Variants in TMEM43 observed in about 807,000 individuals in gnomAD.
TMEM43 encodes arrhythmogenic right ventricular dysplasia 5.
A neutral mutation model predicts 49.6 loss-of-function variants in TMEM43; 45 were observed. The ratio of observed to expected loss-of-function variants is 0.91; its 90% CI spans 0.71 to 1.16. The LOEUF (loss-of-function observed/expected upper bound fraction) is 1.16. Ranked by LOEUF, TMEM43 falls within the 50% of genes most tolerant of loss-of-function variation. The pLI is 0.00. For synonymous variants in TMEM43, 199 were observed against 207.8 expected (o/e 0.96, Z 0.36); for missense variants, 532 against 516.6 (o/e 1.03, Z -0.29).
chr3:14,135,360 A>G (rs1695154809), intron 9 of TMEM43, 128 bp downstream of exon 9: 1 of 792,880 alleles, frequency 1.3e-6, no homozygotes, highest in South Asian at 1.5e-5. Context: ...TCTCGCACAC[A>G]CTCTCAGCCA....
intron 2 of TMEM43, 67 bp from the exon 3 acceptor site, chr3:14,130,755 T>G (rs535741733): frequency 2.1e-4 from 328 of 1,582,146 alleles, no homozygotes; most frequent in Non-Finnish European, 2.5e-4. Flanking sequence ...CCTAATACTT[T>G]GCAACAAGCA....
intron 3 of TMEM43, 133 bp from the exon 4 acceptor site, chr3:14,131,447 C>T: frequency 1.3e-6 from 1 of 755,266 alleles, no homozygotes. Context: ...CCCTGCAAAG[C>T]AGTGTAGGGC....
intron 9 of TMEM43, 106 bp downstream of exon 9, chr3:14,135,338 G>A (rs1324063686): frequency 2.1e-6 from 2 of 944,516 alleles, no homozygotes; most frequent in African/African-American, 1.6e-5. Flanking sequence ...TTTTCCCTGG[G>A]GAAAGGCACA....
At chr3:14,126,341 ACTCTTTGTCTG>A (rs1695021165) in intron 1 of TMEM43, among the ~76,000 whole-genome samples, 1 of 151,804 alleles carries the variant, frequency 6.6e-6, no homozygotes, top group Non-Finnish European at 1.5e-5. Context: ...TAGTATGTGG[ACTCTTTGTCTG>A]CTCCCATCAC....
rs1198763148 is a variant in TMEM43 at position 14,132,636 on chromosome 3, G to A, written c.442+41G>A. The A allele has an allele frequency of 3.1e-6, 5 of 1,610,560 alleles. No individual in the cohort carries two copies. The East Asian group carries it at 1.1e-4, about 36-fold the overall frequency. ...CTTACGTGGTCTCTGCCCATGGTGGGGGCCCACAGTGGTGGCTGGACAGCA... is the reference window on the plus strand; with the variant it reads ...CTTACGTGGTCTCTGCCCATGGTGGAGGCCCACAGTGGTGGCTGGACAGCA... On this transcript the variant is annotated intron_variant, in intron 5 of 11. Transcript: ENST00000306077.
intron 2 of TMEM43, 105 bp from the exon 3 acceptor site, chr3:14,130,717 C>G (rs1695081290): frequency 1.4e-6 from 2 of 1,449,522 alleles, no homozygotes. Flanking sequence ...GGAGATGGGT[C>G]TCAGCGCTCC....
intron 1 of TMEM43, among the ~76,000 whole-genome samples, chr3:14,128,438 G>A (rs997831351): frequency 6.6e-6 from 1 of 152,110 alleles, no homozygotes. Flanking sequence ...TCTCCCTTTA[G>A]GGATGCTCTT....
At chr3:14,132,758 G>T in intron 5 of TMEM43, 108 bp from the exon 6 acceptor site, 1 of 1,393,838 alleles carries the variant, frequency 7.2e-7, no homozygotes, top group Non-Finnish European at 1.0e-6. Flanking sequence ...ATCCATTGAG[G>T]CTCCCTGACC....
In TMEM43 at chr3:14,131,634, C is replaced by T. The variant is rs764481012; in HGVS notation, c.352C>T (p.His118Tyr). The change falls in exon 4 of 12, where the codon CAC becomes TAC. Residue 118 changes from histidine (H) to tyrosine (Y), a missense_variant. Physicochemically the swap from His to Tyr is moderately conservative, Grantham distance 83. Transcript: ENST00000306077. The stretch of plus-strand genomic sequence containing the variant: ...TCTTCCGGCTGTGAAACTGCGGAGG[C>T]ACGTGGAGATGTACCAATGGGTAGA... Reference protein sequence around the residue: ...VHLPAVKLRRHVEMYQWVETE... With the variant: ...VHLPAVKLRRYVEMYQWVETE... 4 of 1,614,174 alleles carry T rather than the reference C, an allele frequency of 2.5e-6. No homozygotes were observed. The highest frequency in any genetic ancestry group is 3.4e-6 in the Non-Finnish European group (4 of 1,180,012).
rs1346146118 is a variant in TMEM43 at position 14,142,602 on chromosome 3, A to T, written c.*807A>T. ...CTTAATATTTCAGACTGTTACAGGAAACACCCTTTAGTCTGTCAGTTGAAT... is the reference window on the plus strand; with the variant it reads ...CTTAATATTTCAGACTGTTACAGGATACACCCTTTAGTCTGTCAGTTGAAT... On this transcript the variant is annotated 3_prime_UTR_variant, in exon 12 of 12. Coordinates refer to ENST00000306077, the MANE Select transcript of TMEM43 (RefSeq NM_024334.3). 6.6e-6 allele frequency: 1 copy of T among 152,660 alleles called. No homozygotes were observed. Among genetic ancestry groups the T allele is most frequent in the Non-Finnish European group, 1.5e-5 (1 of 68,040 alleles). The allele number at this position is 152,660 out of a possible 1,614,324, so 9.5% of individuals were successfully genotyped here. A position where few individuals can be genotyped will look rare whatever the true frequency, so the allele number is the denominator to read the frequency against.
At chr3:14,138,815 G>C (rs1414172033) in intron 10 of TMEM43, among the ~76,000 whole-genome samples, 3 of 152,232 alleles carry the variant, frequency 2.0e-5, no homozygotes, top group Non-Finnish European at 4.4e-5. Context: ...GAGAGGTTCT[G>C]AGATTAAACA....
chr3:14,140,540 A>G (rs1695233450), intron 11 of TMEM43, among the ~76,000 whole-genome samples: 1 of 152,114 alleles, frequency 6.6e-6, no homozygotes, highest in South Asian at 2.1e-4. Context: ...GACAGACAAG[A>G]CTTAGAGCAA....
In TMEM43 at chr3:14,131,100, C is replaced by T. The variant is rs186975970; in HGVS notation, c.297+144C>T. ...CTTTACCACTCAGCAGCTGTGTGGACTTGTCTATCCTGAGTCTCAGTGTCT... is the reference window on the plus strand; with the variant it reads ...CTTTACCACTCAGCAGCTGTGTGGATTTGTCTATCCTGAGTCTCAGTGTCT... On this transcript the variant is annotated intron_variant, in intron 3 of 11. Transcript: ENST00000306077. The T allele has an allele frequency of 8.1e-5, 81 of 998,296 alleles. No individual in the cohort carries two copies. The African/African-American group carries it at 1.2e-3, about 15-fold the overall frequency. The allele number at this position is 998,296 out of a possible 1,614,324, so 61.8% of individuals were successfully genotyped here.
Position 14,125,116 on chromosome 3 carries a change from G to A in TMEM43, c.-78G>A, listed in dbSNP as rs1694999076. 6 of 1,585,014 alleles carry A rather than the reference G, an allele frequency of 3.8e-6. No homozygotes were observed. The highest frequency in any genetic ancestry group is 1.3e-5 in the African/African-American group (1 of 74,464). On this transcript the variant is annotated 5_prime_UTR_variant, in exon 1 of 12. Transcript: ENST00000306077. Reference sequence around the variant, plus strand: ...TCGAAGCTGGGGCTGGCAAGAGGCCGCTGGACACCACGCTCCAGTCGTCAG... The same window carrying A: ...TCGAAGCTGGGGCTGGCAAGAGGCCACTGGACACCACGCTCCAGTCGTCAG...
intron 10 of TMEM43, among the ~76,000 whole-genome samples, chr3:14,138,203 G>A (rs773965292): frequency 6.6e-6 from 1 of 152,128 alleles, no homozygotes; most frequent in Non-Finnish European, 1.5e-5. Context: ...GCAGGCAATC[G>A]TTGTAGGCAG....
intron 11 of TMEM43, among the ~76,000 whole-genome samples, chr3:14,139,714 A>C (rs1574941373): frequency 6.6e-6 from 1 of 152,160 alleles, no homozygotes; most frequent in Non-Finnish European, 1.5e-5. Context: ...CACCCCTTAC[A>C]TGCAGAGTTT....
intron 1 of TMEM43, chr3:14,128,871 G>A (rs1338089437): frequency 2.2e-6 from 1 of 446,244 alleles, no homozygotes; most frequent in Non-Finnish European, 4.5e-6. Context: ...CCTGGAAGCT[G>A]TCAAGATACC....
chr3:14,132,285 G>A (rs913166911), intron 4 of TMEM43, among the ~76,000 whole-genome samples: 1 of 152,194 alleles, frequency 6.6e-6, no homozygotes, highest in Non-Finnish European at 1.5e-5. Flanking sequence ...GCAGGGCTGG[G>A]CCCCTTGGTG....
At position 14,125,173 on chromosome 3, in the gene TMEM43, G is replaced by A. The variant is rs1695000061; in HGVS notation, c.-21G>A. The A allele has an allele frequency of 1.2e-6, 2 of 1,609,466 alleles. No homozygotes were observed. The highest frequency in any genetic ancestry group is 1.3e-5 in the African/African-American group (1 of 74,896). The stretch of plus-strand genomic sequence containing the variant: ...TCCTAGCTGAACAGCGCGAGGCGGC[G>A]GCAGCGAGCCGGGTCCCACCATGGC... On this transcript the variant is annotated 5_prime_UTR_variant, in exon 1 of 12. Transcript: ENST00000306077.
Sources: gnomAD v4.1 joint callset for allele counts (sites outside exome capture counted in the v4.1 genomes callset) on GRCh38, gnomAD v4.1.1 for gene constraint, MANE v1.5 for transcripts, NCBI Gene and HGNC (gene_info 2026-07-23, HGNC 2026-07-21) for gene names.